The following NKAIN3 variants were observed in gnomAD, a reference collection of about 807,000 sequenced individuals.
NKAIN3 encodes sodium/potassium-transporting ATPase subunit beta-1-interacting protein 3.
In NKAIN3, 25 loss-of-function variants were observed where a neutral mutation model predicts 30.2. The observed-to-expected ratio is 0.83, with a 90% CI of 0.60 to 1.16. NKAIN3 has a LOEUF of 1.16. NKAIN3 is among the 50% of genes most tolerant of loss of function. The probability of loss-of-function intolerance (pLI) is 0.00; values close to 1 mark genes in which losing one functional copy is unlikely to be tolerated. For synonymous variants in NKAIN3, 91 were observed against 89.6 expected, an observed-to-expected ratio of 1.02 and a Z score of -0.09; for missense variants, 225 against 254.1, an observed-to-expected ratio of 0.89 and a Z score of 0.78.
At chr8:62,524,175 A>T (rs201709806) in intron 1 of NKAIN3, among the ~76,000 whole-genome samples, 1 of 151,934 alleles carries the variant, frequency 6.6e-6, no homozygotes, top group East Asian at 1.9e-4. Flanking sequence ...ACAAGGAAAG[A>T]TGGAAAAAAG....
At chr8:62,501,777 A>G (rs1807461532) in intron 1 of NKAIN3, among the ~76,000 whole-genome samples, 1 of 152,158 alleles carries the variant, frequency 6.6e-6, no homozygotes, top group Admixed American at 6.5e-5. Flanking sequence ...CTGGGCTTAC[A>G]TTTCCTGTGT....
intron 5 of NKAIN3, among the ~76,000 whole-genome samples, chr8:62,991,398 C>T (rs1029937834): frequency 6.6e-6 from 1 of 152,202 alleles, no homozygotes; most frequent in Non-Finnish European, 1.5e-5. Context: ...AGAAAAAGGA[C>T]ACTGCACTCT....
At chr8:62,631,330 T>G (rs1811952966) in intron 3 of NKAIN3, among the ~76,000 whole-genome samples, 1 of 152,158 alleles carries the variant, frequency 6.6e-6, no homozygotes, top group African/African-American at 2.4e-5. Flanking sequence ...CTCTCCACCC[T>G]GCCCCATCTC....
rs188104002 is a variant in NKAIN3 at position 62,418,366 on chromosome 8, T to C, written c.55-161173T>C. ...CTCATAAAAAAGATAGGAAAAAAAA[T>C]TGTGCTTACTTCTTCTCTGATAGAG... On this transcript the variant is annotated intron_variant, in intron 1 of 6. Coordinates refer to ENST00000623646, the MANE Select transcript of NKAIN3 (RefSeq NM_001304533.3). Among the ~76,000 whole-genome samples, 5 of 152,206 alleles carry C rather than the reference T, an allele frequency of 3.3e-5. No individual in the cohort carries two copies. The East Asian group carries it at 9.7e-4, about 29-fold the overall frequency.
chr8:62,534,681 G>T (rs917773917), intron 1 of NKAIN3, among the ~76,000 whole-genome samples: 11 of 152,236 alleles, frequency 7.2e-5, no homozygotes, highest in Admixed American at 5.2e-4. Context: ...CTGGAGTAAA[G>T]CCTGGGTATC....
At chr8:62,503,648 C>A (rs1313137965) in intron 1 of NKAIN3, among the ~76,000 whole-genome samples, 2 of 152,024 alleles carry the variant, frequency 1.3e-5, no homozygotes, top group Non-Finnish European at 2.9e-5. Flanking sequence ...GAATGCAATT[C>A]TTTTCCTAGG....
At chr8:62,716,680 C>T (rs1814913936) in intron 3 of NKAIN3, among the ~76,000 whole-genome samples, 1 of 151,480 alleles carries the variant, frequency 6.6e-6, no homozygotes, top group Non-Finnish European at 1.5e-5. Flanking sequence ...AAAGAGCTGG[C>T]ATCAGAACAT....
Position 62,777,846 on chromosome 8 carries a change from C to T in NKAIN3, c.471+30717C>T, listed in dbSNP as rs181135976. ...TTTGTACACCTCCTTCTTGGAAACA[C>T]TTTCCAGGTATTCAAAGGTCCTTGA... is the stretch of plus-strand genomic sequence containing the variant. On this transcript the variant is annotated intron_variant, in intron 4 of 6. Coordinates refer to ENST00000623646, the MANE Select transcript of NKAIN3 (RefSeq NM_001304533.3). Among the ~76,000 whole-genome samples, 352 of 152,208 alleles carry T rather than the reference C, an allele frequency of 2.3e-3. 5 individuals are homozygous for T. The South Asian group carries it at 0.031, about 13-fold the overall frequency.
chr8:62,752,613 A>G (rs1043061713), intron 4 of NKAIN3, among the ~76,000 whole-genome samples: 4 of 152,188 alleles, frequency 2.6e-5, no homozygotes, highest in Non-Finnish European at 5.9e-5. Flanking sequence ...TATCAGAATT[A>G]TTACAGTGGA....
At chr8:62,603,024 C>T (rs900898762) in intron 3 of NKAIN3, among the ~76,000 whole-genome samples, 5 of 152,042 alleles carry the variant, frequency 3.3e-5, no homozygotes, top group Non-Finnish European at 7.4e-5. Flanking sequence ...TATTCAAATG[C>T]TTTTCTGTGT....
intron 1 of NKAIN3, chr8:62,483,421 A>G (rs1993126): frequency 0.87 from 174,845 of 202,130 alleles, 75,733 homozygotes; most frequent in Middle Eastern, 0.9. Context: ...GCATTTCATA[A>G]AGTATTATTC....
At chr8:62,254,510 A>G (rs1450850155) in intron 1 of NKAIN3, among the ~76,000 whole-genome samples, 1 of 152,182 alleles carries the variant, frequency 6.6e-6, no homozygotes, top group Non-Finnish European at 1.5e-5. Context: ...TTACTTTAAA[A>G]ATAGGGCTGA....
intron 3 of NKAIN3, among the ~76,000 whole-genome samples, chr8:62,653,927 G>T (rs769642982): frequency 6.6e-6 from 1 of 152,086 alleles, no homozygotes; most frequent in Non-Finnish European, 1.5e-5. Flanking sequence ...GGACTCAAGG[G>T]TTCTAACCAT....
intron 3 of NKAIN3, among the ~76,000 whole-genome samples, chr8:62,744,451 T>C (rs1216677273): frequency 1.3e-5 from 2 of 152,192 alleles, no homozygotes; most frequent in Admixed American, 6.5e-5. Context: ...TTGTATAATA[T>C]AAATTTTAGT....
At chr8:62,265,245 C>T (rs767100505) in intron 1 of NKAIN3, among the ~76,000 whole-genome samples, 13 of 152,278 alleles carry the variant, frequency 8.5e-5, no homozygotes, top group East Asian at 1.9e-4. Context: ...TTCTCTTCAT[C>T]GTAAAGCCAT....
chr8:62,896,102 C>T (rs1026913529), intron 4 of NKAIN3, among the ~76,000 whole-genome samples: 3 of 151,878 alleles, frequency 2.0e-5, no homozygotes, highest in African/African-American at 7.3e-5. Flanking sequence ...ATGTATTTGT[C>T]GCAGTTCTGG....
chr8:62,457,360 G>T (rs1805853720), intron 1 of NKAIN3, among the ~76,000 whole-genome samples: 1 of 152,214 alleles, frequency 6.6e-6, no homozygotes, highest in Non-Finnish European at 1.5e-5. Flanking sequence ...GTTCACACAT[G>T]AGCAAAGCCC....
chr8:62,929,881 G>C, intron 5 of NKAIN3, among the ~76,000 whole-genome samples: 1 of 152,058 alleles, frequency 6.6e-6, no homozygotes, highest in Non-Finnish European at 1.5e-5. Flanking sequence ...ACTATCATTA[G>C]TGTTAGCTTA....
intron 1 of NKAIN3, among the ~76,000 whole-genome samples, chr8:62,274,480 G>A (rs1318629072): frequency 6.6e-6 from 1 of 152,072 alleles, no homozygotes; most frequent in Non-Finnish European, 1.5e-5. Flanking sequence ...AGGCGTTGGG[G>A]AAGGTCTCTG....
Sources: gnomAD v4.1 joint callset for allele counts (sites outside exome capture counted in the v4.1 genomes callset) on GRCh38, gnomAD v4.1.1 for gene constraint, MANE v1.5 for transcripts, NCBI Gene and HGNC (gene_info 2026-07-23, HGNC 2026-07-21) for gene names.